The following DOCK4 variants were observed in gnomAD, a reference collection of about 807,000 sequenced individuals.
The protein encoded by DOCK4 is dedicator of cytokinesis protein 4.
A neutral mutation model predicts 268.1 loss-of-function variants in DOCK4; 97 were observed. The ratio of observed to expected loss-of-function variants is 0.36; its 90% confidence interval spans 0.31 to 0.43. The LOEUF is 0.43. DOCK4 is among the 20% of genes least tolerant of loss of function. The pLI is 1.00. For synonymous variants in DOCK4, 954 were observed against 887.2 expected (o/e 1.08, Z -1.34); for missense variants, 2,145 against 2,455.7 (o/e 0.87, Z 2.67).
At chr7:112,011,274 G>C (rs970617278) in intron 1 of DOCK4, among the ~76,000 whole-genome samples, 1 of 152,154 alleles carries the variant, frequency 6.6e-6, no homozygotes, top group African/African-American at 2.4e-5. Context: ...GGTGAATCCC[G>C]AGAGGACTTC....
intron 1 of DOCK4, among the ~76,000 whole-genome samples, chr7:112,050,029 A>G (rs1397999923): frequency 2.6e-5 from 4 of 152,190 alleles, no homozygotes; most frequent in African/African-American, 9.6e-5. Context: ...AGCTATTTTA[A>G]GAATTTAAGA....
intron 1 of DOCK4, among the ~76,000 whole-genome samples, chr7:112,019,298 GAAT>G (rs1165084828): frequency 6.6e-6 from 1 of 152,154 alleles, no homozygotes; most frequent in Non-Finnish European, 1.5e-5. Context: ...AGCATGGCTA[GAAT>G]AAGGTGTACC....
At chr7:111,777,252 T>C (rs189527858) in intron 36 of DOCK4, among the ~76,000 whole-genome samples, 105 of 152,264 alleles carry the variant, frequency 6.9e-4, no homozygotes, top group Admixed American at 2.0e-3. Context: ...AGTAAACATA[T>C]CCTTCAGGGA....
chr7:112,066,678 T>TATACAC (rs1563051929), intron 1 of DOCK4, among the ~76,000 whole-genome samples: 2 of 22,014 alleles, frequency 9.1e-5, no homozygotes, highest in Non-Finnish European at 1.6e-4. Flanking sequence ...TACATATACA[T>TATACAC]ATATACATAT....
chr7:112,114,277 T>C (rs1586849665), intron 1 of DOCK4, among the ~76,000 whole-genome samples: 1 of 152,194 alleles, frequency 6.6e-6, no homozygotes, highest in Non-Finnish European at 1.5e-5. Flanking sequence ...CAAATGTTGA[T>C]GCATTTCATT....
At chr7:111,752,578 GTTTTTT>G (rs56037303) in intron 42 of DOCK4, among the ~76,000 whole-genome samples, 4,844 of 82,184 alleles carry the variant, frequency 0.059, 52 homozygotes, top group African/African-American at 0.084. Context: ...ATCAGCTTAG[GTTTTTT>G]TTTTTTTTTT....
At chr7:112,185,189 T>C (rs1432537982) in intron 1 of DOCK4, among the ~76,000 whole-genome samples, 2 of 152,172 alleles carry the variant, frequency 1.3e-5, no homozygotes, top group Non-Finnish European at 2.9e-5. Flanking sequence ...AGTGCAGCAT[T>C]GAAGTGCAGG....
intron 12 of DOCK4, among the ~76,000 whole-genome samples, chr7:111,924,125 A>G (rs989059213): frequency 2.6e-5 from 4 of 152,118 alleles, no homozygotes; most frequent in African/African-American, 7.2e-5. Flanking sequence ...TTCATTAGAA[A>G]TCTCTTTTGC....
At chr7:112,107,837 T>C (rs1304125967) in intron 1 of DOCK4, among the ~76,000 whole-genome samples, 1 of 152,198 alleles carries the variant, frequency 6.6e-6, no homozygotes, top group East Asian at 1.9e-4. Context: ...GTCACTCACT[T>C]TGGTGATGTG....
rs149137789 is a variant in DOCK4 at position 111,974,818 on chromosome 7, T to G, written c.701+2314A>C. On this transcript the variant is annotated intron_variant, in intron 8 of 52. Transcript: ENST00000428084. ...GATATAGGAATAAAATAAGGAGCAC[T>G]CTGAAGATCAATACCTATTTAGAAT... Among the ~76,000 whole-genome samples, 17 of 152,258 alleles carry G rather than the reference T, an allele frequency of 1.1e-4. 1 individual carries two copies. In the East Asian group the frequency reaches 3.1e-3, roughly 28 times the overall value.
chr7:112,099,829 A>C (rs946442870), intron 1 of DOCK4, among the ~76,000 whole-genome samples: 1 of 152,236 alleles, frequency 6.6e-6, no homozygotes, highest in African/African-American at 2.4e-5. Flanking sequence ...ATTTGAAGCC[A>C]TTATAACACA....
At chr7:112,091,625 G>A (rs1176489325) in intron 1 of DOCK4, among the ~76,000 whole-genome samples, 2 of 152,072 alleles carry the variant, frequency 1.3e-5, no homozygotes, top group African/African-American at 2.4e-5. Context: ...ATGCAGAAAC[G>A]GACGCAGAGC....
chr7:112,129,874 CTCAAAATGCAA>C (rs1245366979), intron 1 of DOCK4, among the ~76,000 whole-genome samples: 43 of 152,166 alleles, frequency 2.8e-4, no homozygotes, highest in Admixed American at 2.8e-3. Context: ...TGCCACCAAA[CTCAAAATGCAA>C]TCCTCTGTCA....
intron 1 of DOCK4, among the ~76,000 whole-genome samples, chr7:112,115,885 G>A (rs907376988): frequency 6.6e-6 from 1 of 152,084 alleles, no homozygotes; most frequent in African/African-American, 2.4e-5. Flanking sequence ...TAGCTATATT[G>A]TCCAGGTTGG....
chr7:111,748,103 G>GTATGT (rs1382384672), intron 42 of DOCK4, among the ~76,000 whole-genome samples: 12 of 152,152 alleles, frequency 7.9e-5, no homozygotes, highest in Non-Finnish European at 1.6e-4. Context: ...TGATAAAAGT[G>GTATGT]CTCTTCAAAT....
At chr7:111,913,777 G>T (rs1327933246) in intron 13 of DOCK4, among the ~76,000 whole-genome samples, 2 of 151,516 alleles carry the variant, frequency 1.3e-5, no homozygotes, top group Admixed American at 6.6e-5. Flanking sequence ...AGCTACTCAG[G>T]AGGCTGAGGT....
chr7:112,117,529 C>A (rs968459271), intron 1 of DOCK4, among the ~76,000 whole-genome samples: 1 of 152,134 alleles, frequency 6.6e-6, no homozygotes, highest in African/African-American at 2.4e-5. Flanking sequence ...AGCCACCACG[C>A]CTGGCTAATT....
chr7:111,808,659 C>A lies in DOCK4; in HGVS notation c.3166+162G>T, dbSNP rs905022950. 1.4e-5 allele frequency: 9 copies of A among 642,398 alleles called. No individual in the cohort carries two copies. The Admixed American group carries it at 1.5e-4, about 11-fold the overall frequency. The allele number at this position is 642,398 out of a possible 1,614,324, so 39.8% of individuals were successfully genotyped here. A position where few individuals can be genotyped will look rare whatever the true frequency, so the allele number is the denominator to read the frequency against. On this transcript the variant is annotated intron_variant, in intron 30 of 52. Transcript: ENST00000428084. ...GACCAATTTAAAGAATTTGTTGTAA[C>A]CTCATTCAATGCCAAAGTGTCAATT...
At chr7:111,923,069 A>G (rs1031712371) in intron 12 of DOCK4, among the ~76,000 whole-genome samples, 1 of 152,220 alleles carries the variant, frequency 6.6e-6, no homozygotes, top group Non-Finnish European at 1.5e-5. Flanking sequence ...TTGGAAAAAT[A>G]AAATCCATAA....
Sources: gnomAD v4.1 joint callset for allele counts (sites outside exome capture counted in the v4.1 genomes callset) on GRCh38, gnomAD v4.1.1 for gene constraint, MANE v1.5 for transcripts, NCBI Gene and HGNC (gene_info 2026-07-23, HGNC 2026-07-21) for gene names.